Variants in PAFAH1B2 observed in about 807,000 individuals in gnomAD.
PAFAH1B2 encodes platelet activating factor acetylhydrolase 1b catalytic subunit 2.
Under a neutral mutation model 28.0 loss-of-function variants are expected in PAFAH1B2, and 8 were observed. The ratio of observed to expected loss-of-function variants is 0.29; its 90% CI spans 0.17 to 0.52. PAFAH1B2 has a LOEUF of 0.52. PAFAH1B2 is among the 20% of genes least tolerant of loss of function. The pLI, the probability that PAFAH1B2 is intolerant of heterozygous loss-of-function variation, is 0.97. For missense variants in PAFAH1B2, 190 were observed against 282.6 expected (o/e 0.67, Z 2.35); for synonymous variants, 104 against 103.2 (o/e 1.01, Z -0.05).
At chr11:117,151,781 A>G (rs1956157255) in intron 1 of PAFAH1B2, among the ~76,000 whole-genome samples, 1 of 151,996 alleles carries the variant, frequency 6.6e-6, no homozygotes. Flanking sequence ...GCTCACTGCA[A>G]GCTCCACCTG....
downstream of PAFAH1B2, chr11:117,175,675 T>C (rs2029938493): frequency 2.3e-6 from 3 of 1,291,276 alleles, no homozygotes; most frequent in East Asian, 5.8e-5. Context: ...CCCCGTTAAA[T>C]TGCAGTTTTC....
Position 117,170,475 on chromosome 11 carries a change from C to T in PAFAH1B2, c.*2776C>T, listed in dbSNP as rs12273027. 2.1e-3 allele frequency: 2,249 copies of T among 1,060,194 alleles called. 38 individuals are homozygous for T. The African/African-American group carries it at 0.034, about 16-fold the overall frequency. The allele number at this position is 1,060,194 out of a possible 1,614,324, so 65.7% of individuals were successfully genotyped here. A position where few individuals can be genotyped will look rare whatever the true frequency, so the allele number is the denominator to read the frequency against. On this transcript the variant is annotated 3_prime_UTR_variant, in exon 6 of 6. Coordinates refer to ENST00000527958, the MANE Select transcript of PAFAH1B2 (RefSeq NM_002572.4). Reference sequence around the variant, plus strand: ...GGCTGTCTTCCAGTCCATGTGTTCTCGGTCGCCGTAGACAGCGCTCTGGCT... The same window carrying T: ...GGCTGTCTTCCAGTCCATGTGTTCTTGGTCGCCGTAGACAGCGCTCTGGCT...
chr11:117,175,546 ATTTC>A (rs2029930279), downstream of PAFAH1B2: 25 of 1,106,068 alleles, frequency 2.3e-5, no homozygotes, highest in Non-Finnish European at 2.8e-5. Context: ...GCTTGGATGG[ATTTC>A]TCTCCAGATA....
At chr11:117,172,388 ATATATATATATATATATTTTTTTTTTTTT>A (rs1277773005), downstream of PAFAH1B2, among the ~76,000 whole-genome samples, 32 of 1,832 alleles carry the variant, frequency 0.017, no homozygotes, top group Non-Finnish European at 0.03. Flanking sequence ...ATATATATAT[ATATATATATATATATATTTTTTTTTTTTT>A]TTTTTTTTTT....
Position 117,168,139 on chromosome 11 carries a change from G to A in PAFAH1B2, c.*440G>A. 1 of 1,051,842 alleles carries A rather than the reference G, an allele frequency of 9.5e-7. No individual in the cohort carries two copies. Among genetic ancestry groups the A allele is most frequent in the Non-Finnish European group, 1.1e-6 (1 of 869,580 alleles). The allele number at this position is 1,051,842 out of a possible 1,614,324, so 65.2% of individuals were successfully genotyped here. On this transcript the variant is annotated 3_prime_UTR_variant, in exon 6 of 6. Transcript: ENST00000527958. ...CAATTTTTTTAAGGTTCATAATTTA[G>A]CCTTTTGTTTTTATGTTGCTTAGAT...
downstream of PAFAH1B2, chr11:117,171,762 G>T: frequency 2.0e-6 from 3 of 1,531,470 alleles, no homozygotes; most frequent in Non-Finnish European, 2.6e-6. Context: ...TTGGTATGCC[G>T]GTATGATGTT....
At chr11:117,151,470 C>G (rs1956150583) in intron 1 of PAFAH1B2, among the ~76,000 whole-genome samples, 1 of 152,000 alleles carries the variant, frequency 6.6e-6, no homozygotes, top group South Asian at 2.1e-4. Flanking sequence ...ACCTTGTGAC[C>G]TGCCTGCCTT....
rs919430148 is a variant in PAFAH1B2 at position 117,152,490 on chromosome 11, G to A, written c.43G>A (p.Ala15Thr). 6.2e-7 allele frequency: 1 copy of A among 1,613,724 alleles called. No homozygotes were observed. Among genetic ancestry groups the A allele is most frequent in the African/African-American group, 1.3e-5 (1 of 74,926 alleles). The stretch of plus-strand genomic sequence containing the variant: ...AAACCCAGCAGCTATTCCGCATGCA[G>A]CAGAAGATATTCAAGGAGATGACCG... ...DSNPAAIPHA[A>T]EDIQGDDRWM... Residue 15 changes from alanine (A) to threonine (T), a missense_variant, in exon 2 of 6, where the codon GCA becomes ACA. Ala to Thr is a moderately conservative substitution (Grantham distance 58, BLOSUM62 0). Coordinates refer to ENST00000527958, the MANE Select transcript of PAFAH1B2 (RefSeq NM_002572.4).
intron 2 of PAFAH1B2, chr11:117,159,701 C>A: frequency 2.2e-6 from 1 of 454,508 alleles, no homozygotes; most frequent in Non-Finnish European, 4.0e-6. Context: ...CGCCACTGTA[C>A]TCCAGCCTGG....
At position 117,170,389 on chromosome 11, in the gene PAFAH1B2, T is replaced by C; in HGVS notation, c.*2690T>C. On this transcript the variant is annotated 3_prime_UTR_variant, in exon 6 of 6. Coordinates refer to ENST00000527958, the MANE Select transcript of PAFAH1B2 (RefSeq NM_002572.4). Reference sequence around the variant, plus strand: ...AGCCAGTGATGGAACTATAAAGATGTCTGTGGTCATATGTTGAATGTGGCA... The same window carrying C: ...AGCCAGTGATGGAACTATAAAGATGCCTGTGGTCATATGTTGAATGTGGCA... The C allele has an allele frequency of 9.4e-7, 1 of 1,059,040 alleles. No homozygotes were observed. The highest frequency in any genetic ancestry group is 1.1e-6 in the Non-Finnish European group (1 of 876,534). 65.6% of individuals were successfully genotyped at this position (1,059,040 alleles called of 1,614,324 possible). A position where few individuals can be genotyped will look rare whatever the true frequency, so the allele number is the denominator to read the frequency against.
At position 117,159,978 on chromosome 11, in the gene PAFAH1B2, A is replaced by G. The variant is rs767950244; in HGVS notation, c.126A>G (p.Val42=). 12 of 1,613,910 alleles carry G rather than the reference A, an allele frequency of 7.4e-6. No homozygotes were observed. The highest frequency in any genetic ancestry group is 1.3e-5 in the African/African-American group (1 of 74,926). The part of the protein sequence containing the change: ...VLDCKDKEPD[V]LFVGDSMVQL... ...ACTGTAAAGACAAAGAGCCTGATGTACTGTTCGTGGGAGACTCCATGGTGC... is the reference window on the plus strand; with the variant it reads ...ACTGTAAAGACAAAGAGCCTGATGTGCTGTTCGTGGGAGACTCCATGGTGC... The change falls in exon 3 of 6, where the codon GTA becomes GTG. Residue 42 remains valine, a synonymous_variant. Transcript: ENST00000527958.
chr11:117,151,229 T>G (rs1167502227), intron 1 of PAFAH1B2, among the ~76,000 whole-genome samples: 1 of 50,292 alleles, frequency 2.0e-5, no homozygotes, highest in African/African-American at 7.5e-5. Flanking sequence ...AATTTTTTCT[T>G]TTTCTTTTTT....
At chr11:117,173,834 T>C (rs1367071544), downstream of PAFAH1B2, among the ~76,000 whole-genome samples, 1 of 152,212 alleles carries the variant, frequency 6.6e-6, no homozygotes, top group Non-Finnish European at 1.5e-5. Flanking sequence ...AGAACTTGTA[T>C]GATGGAAAGA....
rs1283354545 is a variant in PAFAH1B2 at position 117,169,663 on chromosome 11, G to GT, written c.*1965dup. On this transcript the variant is annotated 3_prime_UTR_variant, in exon 6 of 6. Transcript: ENST00000527958. ...TCATTAACAACAGAAAATCCACATG[G>GT]TGTTTACTAAACTTGTTTACGACAT... 2 of 1,052,864 alleles carry GT rather than the reference G, an allele frequency of 1.9e-6. No individual in the cohort carries two copies. The highest frequency in any genetic ancestry group is 2.3e-6 in the Non-Finnish European group (2 of 870,762). The allele number at this position is 1,052,864 out of a possible 1,614,324, so 65.2% of individuals were successfully genotyped here.
At chr11:117,158,031 G>A (rs1284987158) in intron 2 of PAFAH1B2, among the ~76,000 whole-genome samples, 3 of 151,956 alleles carry the variant, frequency 2.0e-5, no homozygotes, top group African/African-American at 4.8e-5. Flanking sequence ...CCAGCTACTC[G>A]GGAGGCTGAG....
chr11:117,148,154 A>T lies in PAFAH1B2; in HGVS notation c.-8+3736A>T, dbSNP rs537383201. Among the ~76,000 whole-genome samples, 9 of 149,656 alleles carry T rather than the reference A, an allele frequency of 6.0e-5. No individual in the cohort carries two copies. The South Asian group carries it at 1.9e-3, about 31-fold the overall frequency. On this transcript the variant is annotated intron_variant, in intron 1 of 5. Transcript: ENST00000527958. ...GCAACCTCCACCTCCTGGGTTCAAG[A>T]GATTCTCATGCCTCAGCCTCCTGAG...
rs201885078 is a variant in PAFAH1B2, at chr11:117,161,278, T to C, written c.288+17T>C. The C allele has an allele frequency of 1.5e-5, 20 of 1,357,282 alleles. No homozygotes were observed. The East Asian group carries it at 4.8e-4, about 33-fold the overall frequency. 84.1% of individuals were successfully genotyped at this position (1,357,282 alleles called of 1,614,324 possible). The stretch of plus-strand genomic sequence containing the variant: ...AAGCCTAAGGTGAAATGAAAGTTAC[T>C]TGTCAATGTCATTAATCTTAAGTCT... On this transcript the variant is annotated intron_variant, in intron 4 of 5. Transcript: ENST00000527958.
chr11:117,164,420 A>G (rs1415073053), intron 5 of PAFAH1B2, among the ~76,000 whole-genome samples: 5 of 144,398 alleles, frequency 3.5e-5, no homozygotes, highest in East Asian at 2.0e-4. Flanking sequence ...AAAAAAAAGT[A>G]TGGAAGCCGT....
downstream of PAFAH1B2, chr11:117,175,814 C>A: frequency 7.9e-7 from 1 of 1,269,426 alleles, no homozygotes; most frequent in Non-Finnish European, 1.1e-6. Context: ...TGCCTGTAAT[C>A]CAGCTACTCG....
Sources: allele counts gnomAD v4.1 joint callset (sites outside exome capture counted in the v4.1 genomes callset), GRCh38; gene constraint gnomAD v4.1.1; transcripts MANE v1.5; gene names NCBI Gene and HGNC (gene_info 2026-07-23, HGNC 2026-07-21).